RNPEP: variants seen among roughly 807,000 people sequenced by gnomAD.
RNPEP encodes arginyl aminopeptidase.
A neutral mutation model predicts 70.1 loss-of-function variants in RNPEP; 57 were observed. The ratio of observed to expected loss-of-function variants is 0.81; its 90% CI spans 0.66 to 1.01. RNPEP has a LOEUF of 1.01. Ranked by LOEUF, RNPEP falls within the 50% of genes least tolerant of loss-of-function variation. The pLI is 0.00. For synonymous variants in RNPEP, 335 were observed against 357.4 expected, an observed-to-expected ratio of 0.94 and a Z score of 0.71; for missense variants, 787 against 852.4, an observed-to-expected ratio of 0.92 and a Z score of 0.96.
intron 9 of RNPEP, 50 bp from the exon 10 acceptor site, chr1:202,004,304 A>C (rs1346146178): frequency 6.9e-6 from 11 of 1,603,500 alleles, no homozygotes; most frequent in Non-Finnish European, 6.8e-6. Flanking sequence ...CTAGTATTAC[A>C]GGTGTGACCC....
intron 4 of RNPEP, 200 bp downstream of exon 4, chr1:201,996,463 CTTTGTGTGTG>C: frequency 3.1e-6 from 1 of 327,620 alleles, no homozygotes. Flanking sequence ...AGATGAGGTT[CTTTGTGTGTG>C]TGTGTGTGTG....
intron 3 of RNPEP, among the ~76,000 whole-genome samples, chr1:201,995,371 A>G (rs1164401479): frequency 6.6e-6 from 1 of 152,176 alleles, no homozygotes; most frequent in East Asian, 1.9e-4. Context: ...TAAGGCAGTT[A>G]ACAAATTTCT....
chr1:201,985,715 T>A (rs1683110172), intron 1 of RNPEP, among the ~76,000 whole-genome samples: 1 of 152,214 alleles, frequency 6.6e-6, no homozygotes, highest in Non-Finnish European at 1.5e-5. Context: ...ATTGAATCAT[T>A]TTACATTAGT....
At chr1:201,996,091 G>C in intron 3 of RNPEP, 56 bp from the exon 4 acceptor site, 1 of 1,406,728 alleles carries the variant, frequency 7.1e-7, no homozygotes, top group Non-Finnish European at 1.0e-6. Context: ...TTCAGGATCA[G>C]GTCACTGCGA....
intron 2 of RNPEP, 74 bp from the exon 3 acceptor site, chr1:201,989,309 G>T: frequency 6.5e-7 from 1 of 1,547,114 alleles, no homozygotes; most frequent in South Asian, 1.2e-5. Flanking sequence ...CAGGTGGCCG[G>T]TCATGCTCTT....
At position 202,006,058 on chromosome 1, in the gene RNPEP, C is replaced by T; in HGVS notation, c.*342C>T. On this transcript the variant is annotated 3_prime_UTR_variant, in exon 11 of 11. Coordinates refer to ENST00000295640, the MANE Select transcript of RNPEP (RefSeq NM_020216.4). The stretch of plus-strand genomic sequence containing the variant: ...TTTTCTCTTTCTGTCCTTTTTCTTG[C>T]TGATTTTATGCAAAGGGCTGGCATT... The T allele has an allele frequency of 4.3e-6, 1 of 230,954 alleles. No homozygotes were observed. The highest frequency in any genetic ancestry group is 8.6e-6 in the Non-Finnish European group (1 of 116,380). The allele number at this position is 230,954 out of a possible 1,614,324, so 14.3% of individuals were successfully genotyped here.
intron 2 of RNPEP, 108 bp downstream of exon 2, chr1:201,989,152 A>G (rs947720200): frequency 2.8e-6 from 4 of 1,423,542 alleles, no homozygotes; most frequent in Non-Finnish European, 3.8e-6. Flanking sequence ...ATTCAGTGGT[A>G]CTTCTGAAAA....
intron 8 of RNPEP, among the ~76,000 whole-genome samples, chr1:202,002,181 G>C (rs74553928): frequency 1.3e-5 from 1 of 77,640 alleles, no homozygotes; most frequent in Non-Finnish European, 2.7e-5. Flanking sequence ...TTTTTTTTTT[G>C]AGATGGAGTT....
intron 2 of RNPEP, 34 bp from the exon 3 acceptor site, chr1:201,989,349 C>T (rs766597008): frequency 1.0e-5 from 16 of 1,606,404 alleles, no homozygotes; most frequent in African/African-American, 1.3e-5. Flanking sequence ...AAACTCTCTC[C>T]AGGTAAAATC....
chr1:202,004,011 AATGGGACAG>A (rs1683946889), intron 9 of RNPEP, among the ~76,000 whole-genome samples: 1 of 152,138 alleles, frequency 6.6e-6, no homozygotes, highest in South Asian at 2.1e-4. Flanking sequence ...TAGGAGAAAA[AATGGGACAG>A]ATATTGGGGG....
intron 3 of RNPEP, among the ~76,000 whole-genome samples, chr1:201,990,721 C>G (rs903491500): frequency 1.5e-4 from 23 of 152,174 alleles, no homozygotes; most frequent in African/African-American, 5.3e-4. Flanking sequence ...GCTCCCAGCG[C>G]ACACATTCAA....
At chr1:201,991,329 A>C (rs900145382) in intron 3 of RNPEP, among the ~76,000 whole-genome samples, 1 of 152,038 alleles carries the variant, frequency 6.6e-6, no homozygotes, top group African/African-American at 2.4e-5. Flanking sequence ...TGGCCAGGCT[A>C]GTCTTGAACT....
intron 5 of RNPEP, 128 bp from the exon 6 acceptor site, chr1:201,999,774 T>G: frequency 1.5e-6 from 1 of 689,380 alleles, no homozygotes; most frequent in Non-Finnish European, 2.5e-6. Context: ...GTAATGTTAT[T>G]AAGCTTCAGG....
chr1:201,989,276 C>A, intron 2 of RNPEP, 107 bp from the exon 3 acceptor site: 2 of 1,373,602 alleles, frequency 1.5e-6, no homozygotes, highest in Non-Finnish European at 2.0e-6. Context: ...CCAAGATAGA[C>A]TCCAGGCCAT....
chr1:201,989,185 C>T, intron 2 of RNPEP, 141 bp downstream of exon 2: 1 of 1,262,458 alleles, frequency 7.9e-7, no homozygotes, highest in Admixed American at 2.4e-5. Context: ...TAAATTCTTC[C>T]ACCTACTGAA....
At chr1:201,989,216 A>G (rs745473145) in intron 2 of RNPEP, among the ~76,000 whole-genome samples, 167 bp from the exon 3 acceptor site, 11 of 152,232 alleles carry the variant, frequency 7.2e-5, no homozygotes, top group Non-Finnish European at 1.0e-4. Context: ...GCCTTCCTCT[A>G]AATCCCATCA....
chr1:201,983,176 G>C, intron 1 of RNPEP, 63 bp downstream of exon 1: 1 of 1,421,878 alleles, frequency 7.0e-7, no homozygotes, highest in South Asian at 1.5e-5. Context: ...CAGCCGCCCT[G>C]CACCCTCACC....
At chr1:201,984,409 G>A (rs1251639246) in intron 1 of RNPEP, among the ~76,000 whole-genome samples, 2 of 152,196 alleles carry the variant, frequency 1.3e-5, no homozygotes, top group Non-Finnish European at 2.9e-5. Flanking sequence ...AGTTTCTGAT[G>A]AGCCTTTCCA....
chr1:202,000,012 C>G lies in RNPEP; in HGVS notation c.1201C>G (p.Pro401Ala), dbSNP rs769469435. The stretch of plus-strand genomic sequence containing the variant: ...CAACAAGCTCCGCGTGAAGATTGAA[C>G]CAGGTCCAGGAGGCTCCTCTGTCTG... ...PLNKLRVKIE[P>A]GVDPDDTYNE... is the part of the protein sequence containing the mutation. Residue 401 changes from proline to alanine, a missense_variant, in exon 6 of 11, where the codon CCA (proline) becomes GCA (alanine). Coordinates refer to ENST00000295640, the MANE Select transcript of RNPEP (RefSeq NM_020216.4). 8.1e-6 allele frequency: 13 copies of G among 1,611,228 alleles called. No individual in the cohort carries two copies. In the East Asian group the frequency reaches 2.9e-4, roughly 36 times the overall value.
Sources: gnomAD v4.1 joint callset for allele counts (sites outside exome capture counted in the v4.1 genomes callset) on GRCh38, gnomAD v4.1.1 for gene constraint, MANE v1.5 for transcripts, NCBI Gene and HGNC (gene_info 2026-07-23, HGNC 2026-07-21) for gene names.